GPM6A: variants seen among roughly 807,000 people sequenced by gnomAD.
GPM6A encodes the protein glycoprotein M6A, also known as neuronal membrane glycoprotein M6-a.
A neutral mutation model predicts 32.1 loss-of-function variants in GPM6A; 7 were observed. That is an observed-to-expected ratio of 0.22 (90% CI 0.12 to 0.41). GPM6A has a LOEUF of 0.41. GPM6A is among the 10% of genes least tolerant of loss of function. The pLI, the probability that GPM6A is intolerant of heterozygous loss-of-function variation, is 1.00. For synonymous variants in GPM6A, 130 were observed against 123.4 expected (o/e 1.05, Z -0.35); for missense variants, 235 against 347.2 (o/e 0.68, Z 2.57).
intron 2 of GPM6A, among the ~76,000 whole-genome samples, chr4:175,694,689 A>C (rs1023273150): frequency 6.6e-6 from 1 of 152,228 alleles, no homozygotes; most frequent in Non-Finnish European, 1.5e-5. Context: ...AAACATTCTC[A>C]GCCTAGCCAT....
At chr4:175,721,056 AC>A (rs1746099732) in intron 1 of GPM6A, among the ~76,000 whole-genome samples, 1 of 121,528 alleles carries the variant, frequency 8.2e-6, no homozygotes, top group African/African-American at 3.0e-5. Flanking sequence ...ATATATATGT[AC>A]TAGTATATAT....
chr4:175,708,150 G>A (rs1745310960), intron 1 of GPM6A, among the ~76,000 whole-genome samples: 1 of 152,100 alleles, frequency 6.6e-6, no homozygotes, highest in African/African-American at 2.4e-5. Flanking sequence ...AGAGGTGCAA[G>A]CAAGATTATA....
At chr4:175,951,269 T>C (rs572852455) in intron 1 of GPM6A, among the ~76,000 whole-genome samples, 2 of 152,218 alleles carry the variant, frequency 1.3e-5, no homozygotes, top group African/African-American at 2.4e-5. Flanking sequence ...CATGTGAAAA[T>C]ACTACTTTTA....
At chr4:175,640,992 C>T in intron 4 of GPM6A, 163 bp from the exon 5 acceptor site, 1 of 597,886 alleles carries the variant, frequency 1.7e-6, no homozygotes, top group Non-Finnish European at 3.0e-6. Flanking sequence ...AATAACTATG[C>T]ATAGAATTAT....
At chr4:175,757,756 C>A (rs1732584620) in intron 1 of GPM6A, among the ~76,000 whole-genome samples, 1 of 152,016 alleles carries the variant, frequency 6.6e-6, no homozygotes, top group African/African-American at 2.4e-5. Flanking sequence ...CATTAGAAAG[C>A]ATTACCACGA....
intron 1 of GPM6A, among the ~76,000 whole-genome samples, chr4:175,731,621 A>T (rs990073617): frequency 1.4e-4 from 21 of 152,242 alleles, no homozygotes; most frequent in African/African-American, 4.8e-4. Flanking sequence ...ACTCTGTAGA[A>T]AATAAATTGT....
intron 1 of GPM6A, among the ~76,000 whole-genome samples, chr4:175,869,659 A>C (rs767280821): frequency 1.3e-5 from 2 of 152,130 alleles, no homozygotes; most frequent in Non-Finnish European, 2.9e-5. Context: ...CAGGAGGCTG[A>C]GGTAGGAGAA....
At chr4:175,873,478 T>C (rs1736977608) in intron 1 of GPM6A, among the ~76,000 whole-genome samples, 1 of 152,136 alleles carries the variant, frequency 6.6e-6, no homozygotes, top group East Asian at 1.9e-4. Flanking sequence ...TGTTATTATA[T>C]TTTCCACAAA....
chr4:175,735,635 T>C (rs994481858), intron 1 of GPM6A, among the ~76,000 whole-genome samples: 3 of 151,820 alleles, frequency 2.0e-5, no homozygotes, highest in South Asian at 4.2e-4. Context: ...TCTCAGCTCA[T>C]TGCAACCTCC....
intron 1 of GPM6A, among the ~76,000 whole-genome samples, chr4:175,752,071 A>T (rs1023931039): frequency 6.6e-6 from 1 of 152,088 alleles, no homozygotes; most frequent in African/African-American, 2.4e-5. Context: ...ATTGCTGAAA[A>T]CTATGGAACC....
intron 5 of GPM6A, 41 bp downstream of exon 5, chr4:175,640,712 G>A (rs374537464): frequency 2.4e-6 from 3 of 1,268,322 alleles, no homozygotes; most frequent in Non-Finnish European, 3.4e-6. Context: ...AAAAATGAAT[G>A]CTAAAATTCT....
At position 175,711,157 on chromosome 4, in the gene GPM6A, T is replaced by C. The variant is rs573233111; in HGVS notation, c.38-9390A>G. Among the ~76,000 whole-genome samples the C allele has an allele frequency of 4.6e-5, 7 of 152,086 alleles. No homozygotes were observed. The South Asian group carries it at 1.5e-3, about 32-fold the overall frequency. ...ATTGTACCTATATTTTAAATGAGCA[T>C]ATTTTAAATACACAAGCATATTTGT... On this transcript the variant is annotated intron_variant, in intron 1 of 6. Coordinates refer to ENST00000393658, the MANE Select transcript of GPM6A (RefSeq NM_201591.3).
At chr4:175,796,869 T>C (rs959444548) in intron 1 of GPM6A, among the ~76,000 whole-genome samples, 1 of 152,194 alleles carries the variant, frequency 6.6e-6, no homozygotes, top group African/African-American at 2.4e-5. Context: ...AACCTCACAA[T>C]TTCTTTCCTG....
intron 1 of GPM6A, among the ~76,000 whole-genome samples, chr4:175,909,042 C>CGGG (rs57343227): frequency 0.036 from 2,008 of 56,466 alleles, 75 homozygotes; most frequent in African/African-American, 0.095. Flanking sequence ...AAAAAAAGGG[C>CGGG]GGGGGGGGGG....
chr4:175,640,599 C>A (rs1741085331), intron 5 of GPM6A, among the ~76,000 whole-genome samples, 154 bp downstream of exon 5: 1 of 152,066 alleles, frequency 6.6e-6, no homozygotes, highest in Non-Finnish European at 1.5e-5. Context: ...TCCTATTTAT[C>A]CTCTACTCCT....
chr4:175,861,881 T>C (rs1736586101), intron 1 of GPM6A, among the ~76,000 whole-genome samples: 1 of 151,984 alleles, frequency 6.6e-6, no homozygotes, highest in Non-Finnish European at 1.5e-5. Context: ...GTATTATATC[T>C]TCTATAAAAT....
intron 1 of GPM6A, among the ~76,000 whole-genome samples, chr4:175,709,517 C>G (rs975538006): frequency 5.3e-5 from 8 of 152,036 alleles, no homozygotes; most frequent in Non-Finnish European, 7.4e-5. Context: ...ATCATGAGGT[C>G]AGGCGTTCCA....
At chr4:175,975,089 C>T (rs1340286124) in intron 1 of GPM6A, among the ~76,000 whole-genome samples, 5 of 152,186 alleles carry the variant, frequency 3.3e-5, no homozygotes, top group African/African-American at 1.2e-4. Context: ...CAAGCTAGTG[C>T]CTGCCTGCAT....
intron 1 of GPM6A, among the ~76,000 whole-genome samples, chr4:176,000,385 TC>T (rs753076307): frequency 1.3e-5 from 2 of 151,982 alleles, no homozygotes; most frequent in East Asian, 3.9e-4. Context: ...CTCCACACCA[TC>T]CCCCACAACA....
Sources: gnomAD v4.1 joint callset for allele counts (sites outside exome capture counted in the v4.1 genomes callset) on GRCh38, gnomAD v4.1.1 for gene constraint, MANE v1.5 for transcripts, NCBI Gene and HGNC (gene_info 2026-07-23, HGNC 2026-07-21) for gene names.